RNF157: variants seen among roughly 807,000 people sequenced by gnomAD.
RNF157 encodes E3 ubiquitin ligase RNF157.
In RNF157, 55 loss-of-function variants were observed where a neutral mutation model predicts 88.3. The ratio of observed to expected loss-of-function variants is 0.62; its 90% CI spans 0.50 to 0.78. The LOEUF is 0.78. Ranked by LOEUF, RNF157 falls within the 30% of genes least tolerant of loss-of-function variation. The pLI, the probability that RNF157 is intolerant of heterozygous loss-of-function variation, is 0.00. For missense variants in RNF157, 788 were observed against 860.8 expected (o/e 0.92, Z 1.06); for synonymous variants, 334 against 341.2 (o/e 0.98, Z 0.23).
rs1380366713 is a variant in RNF157 at position 76,210,963 on chromosome 17, C to A, written c.207+1401G>T. Among the ~76,000 whole-genome samples, 9 of 152,234 alleles carry A rather than the reference C, an allele frequency of 5.9e-5. 2 individuals are homozygous for A. The highest frequency in any genetic ancestry group is 5.9e-4 in the Admixed American group (9 of 15,286). ...GGGATTATAGGGGTGTGCCACCACC[C>A]CGGGCTAATTTTTGTGTTTTTAATA... On this transcript the variant is annotated intron_variant, in intron 2 of 18. Coordinates refer to ENST00000269391, the MANE Select transcript of RNF157 (RefSeq NM_052916.3).
At chr17:76,187,260 C>T (rs1022195568) in intron 2 of RNF157, among the ~76,000 whole-genome samples, 5 of 150,202 alleles carry the variant, frequency 3.3e-5, no homozygotes, top group African/African-American at 1.2e-4. Context: ...CTCGGCTCAC[C>T]ACAACCTCCG....
chr17:76,186,711 G>A (rs921034976), intron 2 of RNF157, among the ~76,000 whole-genome samples: 2 of 151,892 alleles, frequency 1.3e-5, no homozygotes, highest in Non-Finnish European at 2.9e-5. Flanking sequence ...AGGCCGAGGC[G>A]GGCAGATAAC....
chr17:76,191,225 C>T (rs2069379350), intron 2 of RNF157, among the ~76,000 whole-genome samples: 1 of 151,990 alleles, frequency 6.6e-6, no homozygotes, highest in Admixed American at 6.6e-5. Context: ...CCTATAATCC[C>T]AGTACTTTGG....
chr17:76,154,498 T>C, intron 16 of RNF157, 170 bp from the exon 17 acceptor site: 1 of 624,232 alleles, frequency 1.6e-6, no homozygotes, highest in South Asian at 1.9e-5. Context: ...AGGCAGATCT[T>C]GCTTGGAGAG....
intron 2 of RNF157, among the ~76,000 whole-genome samples, chr17:76,183,138 T>G (rs1399004338): frequency 6.6e-6 from 1 of 151,944 alleles, no homozygotes; most frequent in Non-Finnish European, 1.5e-5. Flanking sequence ...GGTTTCTCCA[T>G]GTTGGTCAGG....
chr17:76,169,063 G>T lies in RNF157; in HGVS notation c.297-1266C>A, dbSNP rs151007367. The stretch of plus-strand genomic sequence containing the variant: ...AGAAACTTGTACCCTCTGGTTCTGA[G>T]AAGTTTTCTTAAATTCTATGTCACT... On this transcript the variant is annotated intron_variant, in intron 3 of 18. Transcript: ENST00000269391. 6.3e-3 allele frequency among the ~76,000 whole-genome samples: 962 copies of T among 152,266 alleles called. 9 individuals are homozygous for T. The highest frequency in any genetic ancestry group is 0.022 in the African/African-American group (916 of 41,546).
rs35297368 is a variant in RNF157 at position 76,172,607 on chromosome 17, C to CAAAAAAAAAAAA, written c.296+1083_296+1094dup. On this transcript the variant is annotated intron_variant, in intron 3 of 18. Coordinates refer to ENST00000269391, the MANE Select transcript of RNF157 (RefSeq NM_052916.3). ...GGGCAACAAGAGCAAAACTCCATCT[C>CAAAAAAAAAAAA]AAAAAAAAAAAAAAAAAAAAAAAAA... Among the ~76,000 whole-genome samples, 68 of 31,716 alleles carry CAAAAAAAAAAAA rather than the reference C, an allele frequency of 2.1e-3. 7 individuals are homozygous for CAAAAAAAAAAAA. Among genetic ancestry groups the CAAAAAAAAAAAA allele is most frequent in the African/African-American group, 8.0e-3 (65 of 8,084 alleles). The allele number at this position is 31,716 out of a possible 152,430, so 20.8% of individuals were successfully genotyped here. A position where few individuals can be genotyped will look rare whatever the true frequency, so the allele number is the denominator to read the frequency against.
In RNF157 at chr17:76,146,841, C is replaced by G; in HGVS notation, c.1922-1488G>C. 2.0e-6 allele frequency: 2 copies of G among 985,444 alleles called. No homozygotes were observed. Among genetic ancestry groups the G allele is most frequent in the Non-Finnish European group, 2.4e-6 (2 of 829,934 alleles). 61.0% of individuals were successfully genotyped at this position (985,444 alleles called of 1,614,324 possible). A position where few individuals can be genotyped will look rare whatever the true frequency, so the allele number is the denominator to read the frequency against. On this transcript the variant is annotated intron_variant, in intron 18 of 18. Transcript: ENST00000269391. This position sits in a 1 kb window ranked among gnomAD's most constrained non-coding sequence, Gnocchi z 4.2. ...AGGCCGACCAACTGTAGAGTGTGGC[C>G]GTGAGGTTGAGAGAGGCCACTCACA...
At chr17:76,239,541 C>CA (rs1190216043) in intron 1 of RNF157, among the ~76,000 whole-genome samples, 2 of 145,350 alleles carry the variant, frequency 1.4e-5, no homozygotes, top group African/African-American at 5.2e-5. Context: ...CCACCACCAC[C>CA]CCCCCCACCC....
intron 18 of RNF157, among the ~76,000 whole-genome samples, chr17:76,151,992 T>C (rs2068684710): frequency 6.6e-6 from 1 of 152,140 alleles, no homozygotes; most frequent in South Asian, 2.1e-4. Context: ...TCCAAGACCT[T>C]CGTAGAGAGG....
At chr17:76,238,386 C>T (rs2070317613) in intron 1 of RNF157, among the ~76,000 whole-genome samples, 1 of 151,222 alleles carries the variant, frequency 6.6e-6, no homozygotes, top group Non-Finnish European at 1.5e-5. Flanking sequence ...TCTGATTTAA[C>T]ATGAATTACA....
intron 2 of RNF157, chr17:76,175,687 G>T (rs535937060): frequency 4.5e-6 from 4 of 887,826 alleles, no homozygotes; most frequent in Non-Finnish European, 5.4e-6. Flanking sequence ...TTTTTTTCTG[G>T]AGTAGCAAAG....
At position 76,146,606 on chromosome 17, in the gene RNF157, T is replaced by C. The variant is rs1377969239; in HGVS notation, c.1922-1253A>G. 14 of 985,328 alleles carry C rather than the reference T, an allele frequency of 1.4e-5. No homozygotes were observed. Among genetic ancestry groups the C allele is most frequent in the Non-Finnish European group, 1.7e-5 (14 of 829,936 alleles). The allele number at this position is 985,328 out of a possible 1,614,324, so 61.0% of individuals were successfully genotyped here. The stretch of plus-strand genomic sequence containing the variant: ...CCCAGTGGCCTCCCCTCACGAGGCA[T>C]CTCTGGCCGGGGGAGGCCCAGTGTG... On this transcript the variant is annotated intron_variant, in intron 18 of 18. Transcript: ENST00000269391. The surrounding 1 kb of genome is among the most constrained non-coding windows in gnomAD (Gnocchi z 4.2).
intron 2 of RNF157, among the ~76,000 whole-genome samples, chr17:76,187,846 C>G (rs993816373): frequency 6.6e-6 from 1 of 152,158 alleles, no homozygotes. Flanking sequence ...GATCTGCCTG[C>G]CTTAGCCTTC....
intron 2 of RNF157, among the ~76,000 whole-genome samples, chr17:76,190,129 C>T (rs2069359134): frequency 6.6e-6 from 1 of 151,586 alleles, no homozygotes; most frequent in South Asian, 2.1e-4. Context: ...TACTTATTAC[C>T]CTTACTTCTG....
intron 2 of RNF157, among the ~76,000 whole-genome samples, chr17:76,186,279 G>A (rs1164967992): frequency 1.3e-5 from 2 of 152,206 alleles, no homozygotes; most frequent in South Asian, 2.1e-4. Flanking sequence ...GCTGAGGTGG[G>A]TGGATCACCT....
rs758261075 is a variant in RNF157 at position 76,159,538 on chromosome 17, T to C, written c.1101A>G (p.Val367=). ...GCCCGTTGAGGGCCTCCAGAAGAGA[T>C]ACTACTTCATAGCCTGGTGGAATAT... ...SENIPPGYEV[V]SLLEALNGPL... is the part of the protein sequence containing the mutation. Residue 367 remains valine, a synonymous_variant, in exon 12 of 19, where the codon GTA becomes GTG. Transcript: ENST00000269391. The C allele has an allele frequency of 4.4e-6, 7 of 1,599,628 alleles. No individual in the cohort carries two copies. Among genetic ancestry groups the C allele is most frequent in the Non-Finnish European group, 6.0e-6 (7 of 1,176,328 alleles).
At chr17:76,212,311 T>G (rs747523794) in intron 2 of RNF157, 53 bp downstream of exon 2, 2 of 1,255,128 alleles carry the variant, frequency 1.6e-6, no homozygotes, top group East Asian at 4.7e-5. Context: ...TTGTTACATT[T>G]TTTGAATTGG....
At chr17:76,172,452 G>A (rs182718701) in intron 3 of RNF157, among the ~76,000 whole-genome samples, 226 of 151,840 alleles carry the variant, frequency 1.5e-3, no homozygotes, top group South Asian at 2.3e-3. Context: ...TTAACCGGGC[G>A]TGGTGATGCA....
Sources: allele counts gnomAD v4.1 joint callset (sites outside exome capture counted in the v4.1 genomes callset), GRCh38; gene constraint gnomAD v4.1.1; non-coding constraint Gnocchi (gnomAD v3.1); transcripts MANE v1.5; gene names NCBI Gene and HGNC (gene_info 2026-07-23, HGNC 2026-07-21).